The following RNF38 variants were observed in gnomAD, a reference collection of about 807,000 sequenced individuals.
The protein encoded by RNF38 is E3 ubiquitin-protein ligase RNF38.
In RNF38, 15 loss-of-function variants were observed where a neutral mutation model predicts 67.2. The ratio of observed to expected loss-of-function variants is 0.22; its 90% CI spans 0.15 to 0.34. RNF38 has a LOEUF of 0.34. Ranked by LOEUF, RNF38 falls within the 10% of genes least tolerant of loss-of-function variation. RNF38 has a pLI of 1.00. For synonymous variants in RNF38, 220 were observed against 218.8 expected, an observed-to-expected ratio of 1.01 and a Z score of -0.05; for missense variants, 524 against 639.9, an observed-to-expected ratio of 0.82 and a Z score of 1.95.
chr9:36,373,156 G>A (rs771688187), intron 3 of RNF38, among the ~76,000 whole-genome samples: 3 of 152,128 alleles, frequency 2.0e-5, no homozygotes, highest in African/African-American at 4.8e-5. Flanking sequence ...GCAGTGAGCC[G>A]AGATCGCACC....
chr9:36,378,649 C>G (rs773701325), intron 2 of RNF38, among the ~76,000 whole-genome samples: 1 of 152,100 alleles, frequency 6.6e-6, no homozygotes, highest in Non-Finnish European at 1.5e-5. Flanking sequence ...CAGATACTCA[C>G]GATAAAGGTC....
Position 36,390,880 on chromosome 9 carries a change from T to C in RNF38, c.13-264A>G, listed in dbSNP as rs551020520. Among the ~76,000 whole-genome samples, 17 of 152,340 alleles carry C rather than the reference T, an allele frequency of 1.1e-4. No individual in the cohort carries two copies. In the East Asian group the frequency reaches 1.4e-3, roughly 12 times the overall value. ...GTCCTTCCTGTTTCCCAAATACCTA[T>C]TGGTAACTTTTTCTGCTGGTGTTAA... is the stretch of plus-strand genomic sequence containing the variant. On this transcript the variant is annotated intron_variant, in intron 1 of 11. Transcript: ENST00000259605.
intron 1 of RNF38, among the ~76,000 whole-genome samples, chr9:36,485,038 G>A (rs1840371173): frequency 6.6e-6 from 1 of 152,062 alleles, no homozygotes; most frequent in Non-Finnish European, 1.5e-5. Flanking sequence ...GCATGGTGGC[G>A]GGCGCCTGTG....
intron 2 of RNF38, among the ~76,000 whole-genome samples, chr9:36,406,415 C>T (rs1838183998): frequency 6.6e-6 from 1 of 152,242 alleles, no homozygotes; most frequent in African/African-American, 2.4e-5. Flanking sequence ...CCATCACATC[C>T]ACATCCAAGT....
Position 36,353,336 on chromosome 9 carries a change from G to T in RNF38, c.910-5C>A. ...ATTTTCTATCCTTTGCAGAGGCTGA[G>T]GAGGGGGAAAAAAAAACACATATAT... On this transcript the variant is annotated splice_region_variant and splice_polypyrimidine_tract_variant and intron_variant, in intron 6 of 11. Coordinates refer to ENST00000259605, the MANE Select transcript of RNF38 (RefSeq NM_022781.5). 6.4e-7 allele frequency: 1 copy of T among 1,572,260 alleles called. No individual in the cohort carries two copies. Among genetic ancestry groups the T allele is most frequent in the Non-Finnish European group, 8.6e-7 (1 of 1,164,012 alleles).
intron 2 of RNF38, among the ~76,000 whole-genome samples, chr9:36,412,728 G>A (rs1838358135): frequency 6.6e-6 from 1 of 152,174 alleles, no homozygotes; most frequent in African/African-American, 2.4e-5. Flanking sequence ...CTGAGGTCAG[G>A]AATTCAAGAC....
At chr9:36,413,234 T>A (rs10972888) in intron 2 of RNF38, among the ~76,000 whole-genome samples, 18,210 of 139,676 alleles carry the variant, frequency 0.13, 1,479 homozygotes, top group Non-Finnish European at 0.19. Flanking sequence ...CATCTCAATT[T>A]AAAAAAAAAA....
chr9:36,487,005 G>A (rs1178113612), intron 1 of RNF38, among the ~76,000 whole-genome samples: 3 of 152,054 alleles, frequency 2.0e-5, no homozygotes, highest in African/African-American at 7.2e-5. Context: ...TTGGCTATGT[G>A]ACCTTGGGCA....
At chr9:36,391,104 A>T (rs537824677) in intron 1 of RNF38, among the ~76,000 whole-genome samples, 1 of 152,342 alleles carries the variant, frequency 6.6e-6, no homozygotes, top group Admixed American at 6.5e-5. Flanking sequence ...TCTATAGCAA[A>T]CATATGTTTG....
chr9:36,379,389 A>G (rs1332724406), intron 2 of RNF38, among the ~76,000 whole-genome samples: 2 of 152,252 alleles, frequency 1.3e-5, no homozygotes, highest in Non-Finnish European at 2.9e-5. Flanking sequence ...ACAAAGAAAT[A>G]AGAATTATAT....
chr9:36,375,428 G>A (rs537554300), intron 3 of RNF38, among the ~76,000 whole-genome samples: 1 of 152,154 alleles, frequency 6.6e-6, no homozygotes, highest in African/African-American at 2.4e-5. Flanking sequence ...CTGGCCTCAA[G>A]TGATCCTCCC....
At chr9:36,413,362 TAA>T (rs935547318) in intron 2 of RNF38, among the ~76,000 whole-genome samples, 5 of 152,144 alleles carry the variant, frequency 3.3e-5, no homozygotes, top group Non-Finnish European at 5.9e-5. Flanking sequence ...ATGCTTTGTA[TAA>T]AGTCTGCAGA....
At chr9:36,371,458 T>C (rs1564017337) in intron 3 of RNF38, among the ~76,000 whole-genome samples, 1 of 151,278 alleles carries the variant, frequency 6.6e-6, no homozygotes, top group East Asian at 1.9e-4. Context: ...TTTTTTTTTT[T>C]TTTGAGACGG....
chr9:36,395,031 A>AT (rs1411915409), intron 1 of RNF38, among the ~76,000 whole-genome samples: 1 of 152,228 alleles, frequency 6.6e-6, no homozygotes, highest in Non-Finnish European at 1.5e-5. Flanking sequence ...TTTAATGTCT[A>AT]TTTCCATATA....
At chr9:36,470,972 T>G (rs1404285574) in intron 1 of RNF38, among the ~76,000 whole-genome samples, 2 of 152,232 alleles carry the variant, frequency 1.3e-5, no homozygotes, top group Non-Finnish European at 2.9e-5. Flanking sequence ...TCTGTGGTAC[T>G]GCAAACATGT....
At position 36,451,945 on chromosome 9, in the gene RNF38, G is replaced by A. The variant is rs139521022; in HGVS notation, n.242-27262C>T. On this transcript the variant is annotated intron_variant and non_coding_transcript_variant, in intron 1 of 3. Coordinates refer to the RNF38 transcript ENST00000488058. ...AAAAAAACTTTTTAAGGCCAGGCGC[G>A]GTGGCTCACCCCTGTAATCCCAATA... Among the ~76,000 whole-genome samples the A allele has an allele frequency of 9.3e-3, 1,412 of 152,092 alleles. 13 individuals carry two copies. The highest frequency in any genetic ancestry group is 0.015 in the Non-Finnish European group (996 of 68,004).
intron 2 of RNF38, among the ~76,000 whole-genome samples, chr9:36,407,572 TCA>T (rs2134184757): frequency 6.6e-6 from 1 of 152,262 alleles, no homozygotes; most frequent in East Asian, 1.9e-4. Context: ...ACACTGCACA[TCA>T]CAGCATATTC....
intron 2 of RNF38, among the ~76,000 whole-genome samples, chr9:36,378,469 C>T (rs781310888): frequency 5.9e-5 from 9 of 152,198 alleles, no homozygotes; most frequent in Non-Finnish European, 1.3e-4. Context: ...AGTTACCATG[C>T]CCAGCTTAAC....
intron 1 of RNF38, among the ~76,000 whole-genome samples, chr9:36,452,442 A>G (rs1441067006): frequency 6.6e-6 from 1 of 152,066 alleles, no homozygotes; most frequent in Non-Finnish European, 1.5e-5. Flanking sequence ...ACATAAATAG[A>G]CGCATACTAC....
Sources: gnomAD v4.1 joint callset for allele counts (sites outside exome capture counted in the v4.1 genomes callset) on GRCh38, gnomAD v4.1.1 for gene constraint, MANE v1.5 for transcripts, NCBI Gene and HGNC (gene_info 2026-07-23, HGNC 2026-07-21) for gene names.